Variants in PPHLN1 observed in about 807,000 individuals in gnomAD.
The protein encoded by PPHLN1 is periphilin 1, also known as periphilin-1.
In PPHLN1, 29 loss-of-function variants were observed where a neutral mutation model predicts 51.3. That is an observed-to-expected ratio of 0.57 (90% CI 0.42 to 0.77). PPHLN1 has a LOEUF of 0.77. Ranked by LOEUF, PPHLN1 falls within the 30% of genes least tolerant of loss-of-function variation. The pLI, the probability that PPHLN1 is intolerant of heterozygous loss-of-function variation, is 0.00. For synonymous variants in PPHLN1, 147 were observed against 147.8 expected (o/e 0.99, Z 0.04); for missense variants, 436 against 438.4 (o/e 0.99, Z 0.05).
At chr12:42,352,412 A>ATT (rs199658531) in intron 3 of PPHLN1, among the ~76,000 whole-genome samples, 5 of 141,918 alleles carry the variant, frequency 3.5e-5, no homozygotes, top group Non-Finnish European at 4.7e-5. Context: ...AACCCACTTA[A>ATT]TTTTTTTTTT....
chr12:42,406,821 C>CT (rs1317151212), intron 9 of PPHLN1, among the ~76,000 whole-genome samples: 1 of 151,806 alleles, frequency 6.6e-6, no homozygotes, highest in African/African-American at 2.4e-5. Flanking sequence ...TTTCTAGAAG[C>CT]TTTTTTTATT....
chr12:42,370,247 T>G (rs2138665542), intron 4 of PPHLN1, among the ~76,000 whole-genome samples: 1 of 152,344 alleles, frequency 6.6e-6, no homozygotes, highest in African/African-American at 2.4e-5. Flanking sequence ...TTGATGCCCA[T>G]GAATTTGCAT....
intron 5 of PPHLN1, among the ~76,000 whole-genome samples, chr12:42,375,737 G>A (rs550633060): frequency 4.0e-5 from 6 of 151,738 alleles, no homozygotes; most frequent in East Asian, 3.9e-4. Flanking sequence ...ATGACATTCT[G>A]TACAATCTTA....
rs767866296 is a variant in PPHLN1 at position 42,441,346 on chromosome 12, T to G, written c.941T>G (p.Met314Arg). 8.1e-6 allele frequency: 13 copies of G among 1,612,956 alleles called. No homozygotes were observed. Among genetic ancestry groups the G allele is most frequent in the Non-Finnish European group, 1.1e-5 (13 of 1,179,302 alleles). Residue 314 changes from methionine to arginine, a missense_variant, in exon 10 of 10, where the codon ATG (methionine) becomes AGG (arginine). By Grantham distance (91) the Met-to-Arg change is moderately conservative (BLOSUM62 -1). Coordinates refer to ENST00000358314, the MANE Select transcript of PPHLN1 (RefSeq NM_201439.2). ...VYRQDCETFG[M>R]VVKMLIEKDP... is the part of the protein sequence containing the mutation. ...CGACAAGACTGTGAAACTTTCGGGA[T>G]GGTGGTGAAAATGCTGATTGAAAAA... is the stretch of plus-strand genomic sequence containing the variant.
intron 9 of PPHLN1, among the ~76,000 whole-genome samples, chr12:42,426,218 A>C (rs1023974360): frequency 1.1e-4 from 13 of 121,798 alleles, no homozygotes; most frequent in African/African-American, 3.9e-4. Context: ...ACACACACAC[A>C]CACACACACA....
chr12:42,360,529 T>A (rs1431763742), intron 4 of PPHLN1, among the ~76,000 whole-genome samples: 2 of 136,004 alleles, frequency 1.5e-5, no homozygotes, highest in East Asian at 4.9e-4. Flanking sequence ...GAGGTCTCAC[T>A]CTGTCACCCA....
chr12:42,337,441 G>A (rs150246729), intron 2 of PPHLN1, among the ~76,000 whole-genome samples: 5,471 of 151,218 alleles, frequency 0.036, 151 homozygotes, highest in South Asian at 0.075. Context: ...GATTACAGGT[G>A]CCCACCACCA....
chr12:42,406,374 C>G (rs1326446622), intron 9 of PPHLN1, among the ~76,000 whole-genome samples: 1 of 152,176 alleles, frequency 6.6e-6, no homozygotes, highest in African/African-American at 2.4e-5. Flanking sequence ...GCCACCGTGC[C>G]CGGCCTCTGT....
intron 4 of PPHLN1, among the ~76,000 whole-genome samples, chr12:42,363,724 T>G (rs2074967014): frequency 6.6e-6 from 1 of 152,122 alleles, no homozygotes; most frequent in East Asian, 1.9e-4. Flanking sequence ...TTCAAGTGTG[T>G]CATCACCTGC....
downstream of PPHLN1, chr12:42,445,731 C>T (rs1178492232): frequency 2.5e-6 from 1 of 396,100 alleles, no homozygotes; most frequent in African/African-American, 2.0e-5. Flanking sequence ...TAAAAATATG[C>T]TCAGAAAACA....
chr12:42,389,138 C>T (rs867034436), intron 7 of PPHLN1, among the ~76,000 whole-genome samples: 6 of 151,762 alleles, frequency 4.0e-5, no homozygotes, highest in South Asian at 2.1e-4. Context: ...TTTGGGAGGC[C>T]GAGGCAGGCG....
chr12:42,380,367 C>T (rs942195849), intron 5 of PPHLN1, among the ~76,000 whole-genome samples: 3 of 151,958 alleles, frequency 2.0e-5, no homozygotes, highest in East Asian at 1.9e-4. Context: ...ATTTTTCTTA[C>T]GTCAACAGCC....
rs1193729313 is a variant in PPHLN1 at position 42,343,966 on chromosome 12, G to A, written c.73-7919G>A. On this transcript the variant is annotated intron_variant, in intron 2 of 9. Transcript: ENST00000358314. ...TGTATGTCATAGACTATAGGGATCAGAGTTAGGAAATTACAAGCTTATGAA... is the reference window on the plus strand; with the variant it reads ...TGTATGTCATAGACTATAGGGATCAAAGTTAGGAAATTACAAGCTTATGAA... 4 of 374,580 alleles carry A rather than the reference G, an allele frequency of 1.1e-5. No individual in the cohort carries two copies. The Admixed American group carries it at 1.6e-4, about 15-fold the overall frequency. 23.2% of individuals were successfully genotyped at this position (374,580 alleles called of 1,614,324 possible).
intron 2 of PPHLN1, chr12:42,343,876 A>G: frequency 6.7e-6 from 3 of 444,986 alleles, no homozygotes; most frequent in Middle Eastern, 6.9e-4. Context: ...GGAATGACTC[A>G]GAAACACCAA....
chr12:42,380,277 A>C (rs1456392159), intron 5 of PPHLN1, among the ~76,000 whole-genome samples: 1 of 152,016 alleles, frequency 6.6e-6, no homozygotes, highest in African/African-American at 2.4e-5. Context: ...TTACTTTGCA[A>C]GATTTGCAAG....
chr12:42,444,331 T>C (rs1342584186), downstream of PPHLN1: 1 of 151,446 alleles, frequency 6.6e-6, no homozygotes, highest in Non-Finnish European at 1.5e-5. Context: ...CAGAACCTGT[T>C]TTCTATCCTA....
intron 8 of PPHLN1, among the ~76,000 whole-genome samples, chr12:42,396,626 A>AAAAAAAC: frequency 1.4e-5 from 1 of 73,066 alleles, no homozygotes; most frequent in South Asian, 3.9e-4. Flanking sequence ...AAAAAAAAAA[A>AAAAAAAC]AAAAAAAAAA....
intron 4 of PPHLN1, among the ~76,000 whole-genome samples, chr12:42,370,414 C>A (rs2075696543): frequency 6.6e-6 from 1 of 152,180 alleles, no homozygotes; most frequent in Non-Finnish European, 1.5e-5. Context: ...TTTTTGATGA[C>A]TTCTGTAATT....
chr12:42,401,947 C>A (rs912290327), intron 9 of PPHLN1, among the ~76,000 whole-genome samples: 1 of 152,080 alleles, frequency 6.6e-6, no homozygotes, highest in Non-Finnish European at 1.5e-5. Flanking sequence ...CACCACCCCC[C>A]AGGCTCAAGC....
Sources: gnomAD v4.1 joint callset for allele counts (sites outside exome capture counted in the v4.1 genomes callset) on GRCh38, gnomAD v4.1.1 for gene constraint, MANE v1.5 for transcripts, NCBI Gene and HGNC (gene_info 2026-07-23, HGNC 2026-07-21) for gene names.